The following PVT1 variants were observed in gnomAD, a reference collection of about 807,000 sequenced individuals.
The protein encoded by PVT1 is Pvt1 oncogene.
chr8:128,064,088 C>T (rs1408967459), intron 4 of PVT1, among the ~76,000 whole-genome samples: 1 of 152,176 alleles, frequency 6.6e-6, no homozygotes, highest in African/African-American at 2.4e-5. Flanking sequence ...AACTCATTGC[C>T]GCAAGCATCT....
At chr8:128,078,423 T>C (rs747311129) in intron 5 of PVT1, among the ~76,000 whole-genome samples, 3 of 152,218 alleles carry the variant, frequency 2.0e-5, no homozygotes, top group Non-Finnish European at 2.9e-5. Flanking sequence ...AGAGATCAGT[T>C]TCTTACTTGC....
At chr8:127,909,125 C>T (rs16902462) in intron 3 of PVT1, among the ~76,000 whole-genome samples, 6,461 of 152,232 alleles carry the variant, frequency 0.042, 410 homozygotes, top group African/African-American at 0.13. Flanking sequence ...CTCAATATGG[C>T]GTTAGTTCGT....
chr8:127,825,932 C>T (rs1256255262), intron 2 of PVT1, among the ~76,000 whole-genome samples: 1 of 151,620 alleles, frequency 6.6e-6, no homozygotes, highest in Non-Finnish European at 1.5e-5. Flanking sequence ...TTCATTGCAG[C>T]CTCAAATTCC....
At chr8:127,832,955 T>G (rs1814869977) in intron 2 of PVT1, among the ~76,000 whole-genome samples, 2 of 152,150 alleles carry the variant, frequency 1.3e-5, no homozygotes, top group South Asian at 4.2e-4. Flanking sequence ...CTGATATTCA[T>G]GGAGTTATTT....
At chr8:127,980,791 C>CTTTTTTTTTT (rs11361552) in intron 3 of PVT1, among the ~76,000 whole-genome samples, 4 of 120,416 alleles carry the variant, frequency 3.3e-5, no homozygotes, top group Non-Finnish European at 5.0e-5. Flanking sequence ...ACTACAGCTT[C>CTTTTTTTTTT]TTTTTTTTTT....
At chr8:128,035,930 T>C (rs928354400) in intron 4 of PVT1, among the ~76,000 whole-genome samples, 1 of 152,252 alleles carries the variant, frequency 6.6e-6, no homozygotes. Context: ...TTGCTTTTAG[T>C]TCCTTATGAC....
intron 5 of PVT1, among the ~76,000 whole-genome samples, chr8:128,086,583 A>G (rs1265176618): frequency 3.9e-5 from 6 of 152,264 alleles, no homozygotes; most frequent in African/African-American, 1.4e-4. Flanking sequence ...AAAGGCTCCA[A>G]CAAACCCAAA....
At chr8:127,979,026 G>C (rs1446447351) in intron 3 of PVT1, among the ~76,000 whole-genome samples, 1 of 152,136 alleles carries the variant, frequency 6.6e-6, no homozygotes, top group African/African-American at 2.4e-5. Context: ...ATTGTTATTT[G>C]GACATTGTGA....
chr8:127,813,626 G>A (rs923412871), intron 2 of PVT1, among the ~76,000 whole-genome samples: 5 of 152,120 alleles, frequency 3.3e-5, no homozygotes, highest in African/African-American at 9.7e-5. Flanking sequence ...AGCTGTGTGA[G>A]CTTCAGAGCC....
At chr8:127,827,723 G>C (rs946551229) in intron 2 of PVT1, among the ~76,000 whole-genome samples, 1 of 152,030 alleles carries the variant, frequency 6.6e-6, no homozygotes, top group East Asian at 1.9e-4. Flanking sequence ...TGGCAAATAC[G>C]ATGGATTCCC....
At chr8:127,994,702 C>T (rs1156452457) in intron 4 of PVT1, among the ~76,000 whole-genome samples, 2 of 152,130 alleles carry the variant, frequency 1.3e-5, no homozygotes, top group Admixed American at 6.5e-5. Context: ...GGCTGGAGAC[C>T]TAGGAAACAG....
At chr8:127,806,917 A>G (rs917666544) in intron 2 of PVT1, among the ~76,000 whole-genome samples, 66 of 152,342 alleles carry the variant, frequency 4.3e-4, no homozygotes, top group Middle Eastern at 3.4e-3. Flanking sequence ...TTGTATGGAT[A>G]TACCACTGTT....
At chr8:128,021,331 T>A (rs781691599) in intron 4 of PVT1, among the ~76,000 whole-genome samples, 1 of 140,826 alleles carries the variant, frequency 7.1e-6, no homozygotes, top group Non-Finnish European at 1.5e-5. Flanking sequence ...TCTAGCTCTG[T>A]TGCTCAGGCT....
chr8:127,846,733 G>A lies in PVT1; in HGVS notation n.373-43856G>A, dbSNP rs550343828. ...GTTGCCCAGGCTGGAGTGCAGTGGC[G>A]CAATCTCGGCTCACTGCAACCTCTG... On this transcript the variant is annotated intron_variant and non_coding_transcript_variant, in intron 2 of 10. Transcript: ENST00000651587. Among the ~76,000 whole-genome samples, 13 of 152,084 alleles carry A rather than the reference G, an allele frequency of 8.5e-5. No individual in the cohort carries two copies. In the South Asian group the frequency reaches 2.7e-3, roughly 32 times the overall value.
chr8:127,795,185 C>T (rs916493640), intron 1 of PVT1, among the ~76,000 whole-genome samples: 4 of 152,150 alleles, frequency 2.6e-5, no homozygotes, highest in Non-Finnish European at 4.4e-5. Context: ...AACTCAGTAA[C>T]TCCGTGTTTT....
intron 4 of PVT1, among the ~76,000 whole-genome samples, chr8:127,993,907 T>A (rs767784379): frequency 2.6e-5 from 4 of 152,160 alleles, no homozygotes; most frequent in Non-Finnish European, 4.4e-5. Context: ...CCACTGTGCT[T>A]TCTCTGAAGG....
chr8:128,082,389 AT>A (rs1686043670), intron 5 of PVT1, among the ~76,000 whole-genome samples: 1 of 152,196 alleles, frequency 6.6e-6, no homozygotes, highest in African/African-American at 2.4e-5. Flanking sequence ...ATGGACCTGC[AT>A]TCGTATTCTG....
At chr8:127,847,026 G>A (rs1276138007) in intron 2 of PVT1, among the ~76,000 whole-genome samples, 1 of 113,884 alleles carries the variant, frequency 8.8e-6, no homozygotes, top group Non-Finnish European at 1.7e-5. Flanking sequence ...TTGTTGAGAT[G>A]GAGTATTGCT....
intron 2 of PVT1, among the ~76,000 whole-genome samples, chr8:127,834,343 G>A (rs1199739152): frequency 2.0e-5 from 3 of 152,040 alleles, no homozygotes; most frequent in African/African-American, 4.8e-5. Flanking sequence ...TTTAATAATG[G>A]TGTCAGGAAA....
Sources: gnomAD v4.1 joint callset for allele counts (sites outside exome capture counted in the v4.1 genomes callset) on GRCh38, gnomAD v4.1.1 for gene constraint, MANE v1.5 for transcripts, NCBI Gene and HGNC (gene_info 2026-07-23, HGNC 2026-07-21) for gene names.